TLR6: variants seen among roughly 807,000 people sequenced by gnomAD.
TLR6 encodes toll like receptor 6, also known as toll-like receptor 6.
A neutral mutation model predicts 16.1 loss-of-function variants in TLR6; 9 were observed. That is an observed-to-expected ratio of 0.56 (90% CI 0.34 to 0.98). The LOEUF (loss-of-function observed/expected upper bound fraction) is 0.98. TLR6 is among the 50% of genes least tolerant of loss of function. The pLI is 0.02. For synonymous variants in TLR6, 340 were observed against 338.6 expected (o/e 1.00, Z -0.04); for missense variants, 786 against 921.0 (o/e 0.85, Z 1.90).
Position 38,826,744 on chromosome 4 carries a change from G to C in TLR6, c.*339C>G, listed in dbSNP as rs562122496. ...GACTGGTGCATATGATGCTGAAGTT[G>C]ACTGTTCCCTTGCTGCCATGAAGCC... On this transcript the variant is annotated 3_prime_UTR_variant, in exon 2 of 2. Coordinates refer to ENST00000436693, the Ensembl canonical transcript of TLR6. 237 of 183,624 alleles carry C rather than the reference G, an allele frequency of 1.3e-3. 2 individuals are homozygous for C. The highest frequency in any genetic ancestry group is 5.5e-3 in the African/African-American group (232 of 42,214). 11.4% of individuals were successfully genotyped at this position (183,624 alleles called of 1,614,324 possible).
chr4:38,856,501 T>G (rs1712995834), intron 1 of TLR6, among the ~76,000 whole-genome samples: 1 of 152,186 alleles, frequency 6.6e-6, no homozygotes, highest in Non-Finnish European at 1.5e-5. Context: ...ATAAATAACA[T>G]TAGTTTTGTT....
At chr4:38,858,501 C>T (rs940008229), upstream of TLR6, among the ~76,000 whole-genome samples, 6 of 151,966 alleles carry the variant, frequency 3.9e-5, no homozygotes, top group Non-Finnish European at 5.9e-5. Context: ...GGGTAGATCA[C>T]CAGAGGTCAG....
exon 2 of TLR6, chr4:38,827,360 T>C: frequency 6.2e-7 from 1 of 1,614,142 alleles, no homozygotes; most frequent in Non-Finnish European, 8.5e-7. Context: ...CTGGACAAAG[T>C]TGGGAGACAA....
the TLR6 span, among the ~76,000 whole-genome samples, chr4:38,862,031 T>A: frequency 6.6e-6 from 1 of 152,210 alleles, no homozygotes; most frequent in Non-Finnish European, 1.5e-5. Context: ...GATGCTTCAT[T>A]TTCACAATGA....
At chr4:38,858,776 GGAGAGAGAGAGAGAGGGAGA>G (rs1713100303), upstream of TLR6, among the ~76,000 whole-genome samples, 2 of 32,550 alleles carry the variant, frequency 6.1e-5, no homozygotes, top group African/African-American at 2.3e-4. Context: ...AGAGAGAGAG[GGAGAGAGAGAGAGAGGGAGA>G]GAGAGAGAGA....
intron 1 of TLR6, among the ~76,000 whole-genome samples, chr4:38,848,193 C>A (rs1579257891): frequency 1.3e-5 from 2 of 152,324 alleles, no homozygotes; most frequent in Admixed American, 1.3e-4. Flanking sequence ...GGACCTCCAG[C>A]AAACTCCAAC....
intron 1 of TLR6, among the ~76,000 whole-genome samples, chr4:38,851,144 A>G (rs1222886290): frequency 6.6e-6 from 1 of 152,202 alleles, no homozygotes; most frequent in Non-Finnish European, 1.5e-5. Flanking sequence ...TGATTATCTC[A>G]ATAGATGCAG....
At chr4:38,848,268 C>CA (rs1406620235) in intron 1 of TLR6, among the ~76,000 whole-genome samples, 2 of 152,170 alleles carry the variant, frequency 1.3e-5, no homozygotes, top group Non-Finnish European at 2.9e-5. Flanking sequence ...ACATCCACAC[C>CA]AAAAACCCAT....
At chr4:38,846,017 G>A (rs1053770537) in intron 1 of TLR6, among the ~76,000 whole-genome samples, 6 of 151,278 alleles carry the variant, frequency 4.0e-5, no homozygotes, top group South Asian at 4.2e-4. Context: ...ACTTGAACCC[G>A]GGAGGTGGAG....
chr4:38,826,521 A>G (rs1450771447), exon 2 of TLR6: 3 of 152,388 alleles, frequency 2.0e-5, no homozygotes, highest in Middle Eastern at 3.2e-3. Flanking sequence ...ACATACATAC[A>G]CTATCAAGTC....
At position 38,828,889 on chromosome 4, in the gene TLR6, A is replaced by C. The variant is rs780826980; in HGVS notation, c.585T>G (p.Asn195Lys). 3 of 1,612,380 alleles carry C rather than the reference A, an allele frequency of 1.9e-6. No individual in the cohort carries two copies. In the South Asian group the frequency reaches 3.3e-5, roughly 18 times the overall value. ...GAAAAACAAGGTGAAGGGTTTTTGC[A>C]TTCAGAATTTGTAGACTTTCTGTCT... The change falls in exon 2 of 2, where the codon AAT becomes AAG. Residue 195 changes from asparagine (N) to lysine (K), a missense_variant. By Grantham distance (94) the Asn-to-Lys change is moderately conservative. Coordinates refer to ENST00000436693, the Ensembl canonical transcript of TLR6.
the TLR6 span, among the ~76,000 whole-genome samples, chr4:38,866,522 T>C: frequency 8.4e-4 from 127 of 151,954 alleles, no homozygotes; most frequent in African/African-American, 2.9e-3. Flanking sequence ...TTAATTAATA[T>C]ATATATGGAA....
upstream of TLR6, among the ~76,000 whole-genome samples, chr4:38,859,652 C>G (rs1298136892): frequency 6.8e-6 from 1 of 147,982 alleles, no homozygotes; most frequent in Non-Finnish European, 1.5e-5. Context: ...GCAGCCTTGA[C>G]TTTCCCCACT....
intron 1 of TLR6, among the ~76,000 whole-genome samples, chr4:38,839,124 AAGGGAGGGAAGGG>A (rs1712107740): frequency 1.2e-5 from 1 of 84,280 alleles, no homozygotes; most frequent in Admixed American, 1.7e-4. Flanking sequence ...GGAGGGGAGG[AAGGGAGGGAAGGG>A]AGGGAGGGGA....
upstream of TLR6, among the ~76,000 whole-genome samples, chr4:38,859,181 T>C (rs57039152): frequency 0.031 from 4,717 of 152,326 alleles, 206 homozygotes; most frequent in African/African-American, 0.085. Context: ...AGCATCATAC[T>C]ATGCTGCCTT....
chr4:38,850,590 T>C (rs992710572), intron 1 of TLR6, among the ~76,000 whole-genome samples: 1 of 152,128 alleles, frequency 6.6e-6, no homozygotes, highest in African/African-American at 2.4e-5. Flanking sequence ...CATCAGATAA[T>C]ACTATAAACA....
chr4:38,836,330 A>T (rs924347560), intron 1 of TLR6, among the ~76,000 whole-genome samples: 2 of 152,200 alleles, frequency 1.3e-5, no homozygotes, highest in Non-Finnish European at 2.9e-5. Flanking sequence ...ATAAAAGATC[A>T]TTGGAGGCAA....
chr4:38,851,547 T>C (rs2109470325), intron 1 of TLR6, among the ~76,000 whole-genome samples: 1 of 152,280 alleles, frequency 6.6e-6, no homozygotes, highest in Admixed American at 6.5e-5. Flanking sequence ...AGTCTCAGGA[T>C]ACAAAATCAA....
intron 1 of TLR6, among the ~76,000 whole-genome samples, chr4:38,839,038 G>A (rs1354538721): frequency 3.0e-5 from 4 of 133,396 alleles, no homozygotes; most frequent in Admixed American, 7.8e-5. Flanking sequence ...AAGAAAGAGA[G>A]AGAAAGAAAG....
Sources: gnomAD v4.1 joint callset for allele counts (sites outside exome capture counted in the v4.1 genomes callset) on GRCh38, gnomAD v4.1.1 for gene constraint, MANE v1.5 for transcripts, NCBI Gene and HGNC (gene_info 2026-07-23, HGNC 2026-07-21) for gene names.